Variants in TES observed in about 807,000 individuals in gnomAD.
The protein encoded by TES is testin LIM domain protein, also known as testin.
A neutral mutation model predicts 48.2 loss-of-function variants in TES; 41 were observed. The ratio of observed to expected loss-of-function variants is 0.85; its 90% CI spans 0.66 to 1.10. The LOEUF is 1.10. TES is among the 50% of genes least tolerant of loss of function. The pLI is 0.00. For synonymous variants in TES, 162 were observed against 174.9 expected, an observed-to-expected ratio of 0.93 and a Z score of 0.58; for missense variants, 463 against 515.1, an observed-to-expected ratio of 0.90 and a Z score of 0.98.
chr7:116,252,294 T>C, intron 5 of TES, 24 bp from the exon 6 acceptor site: 1 of 1,587,964 alleles, frequency 6.3e-7, no homozygotes, highest in Non-Finnish European at 8.6e-7. Context: ...TAAAAATCCA[T>C]CTTTATTTTT....
intron 1 of TES, among the ~76,000 whole-genome samples, chr7:116,231,360 CTG>C (rs1799697436): frequency 6.6e-6 from 1 of 152,144 alleles, no homozygotes; most frequent in Non-Finnish European, 1.5e-5. Context: ...GTGTCAAACT[CTG>C]TAAAAGTATT....
rs201944309 is a variant in TES at position 116,252,315 on chromosome 7, T to C, written c.919-3T>C. On this transcript the variant is annotated splice_polypyrimidine_tract_variant and splice_region_variant and intron_variant, in intron 5 of 6. Coordinates refer to ENST00000358204, the MANE Select transcript of TES (RefSeq NM_015641.4). ...TCCATCTTTATTTTTATCTTCTTCC[T>C]AGCTGATATTCAGCAATGAGTATAC... The C allele has an allele frequency of 6.3e-7, 1 of 1,599,822 alleles. No homozygotes were observed. The highest frequency in any genetic ancestry group is 8.6e-7 in the Non-Finnish European group (1 of 1,168,826).
intron 1 of TES, among the ~76,000 whole-genome samples, chr7:116,220,763 A>T (rs1799546272): frequency 6.6e-6 from 1 of 152,182 alleles, no homozygotes; most frequent in Non-Finnish European, 1.5e-5. Context: ...GGCGTTTATT[A>T]GCTGTGTGAA....
intron 1 of TES, among the ~76,000 whole-genome samples, chr7:116,233,909 C>T (rs913782756): frequency 6.6e-6 from 1 of 152,072 alleles, no homozygotes; most frequent in African/African-American, 2.4e-5. Flanking sequence ...GGGCTAATCC[C>T]ATCAATGAGG....
Position 116,257,466 on chromosome 7 carries a change from A to G in TES, c.1250A>G (p.Lys417Arg). The G allele has an allele frequency of 6.2e-7, 1 of 1,611,764 alleles. No homozygotes were observed. The highest frequency in any genetic ancestry group is 8.5e-7 in the Non-Finnish European group (1 of 1,178,872). Residue 417 changes from lysine to arginine, a missense_variant, in exon 7 of 7, where the codon AAG becomes AGG. Coordinates refer to ENST00000358204, the MANE Select transcript of TES (RefSeq NM_015641.4). ...EGMVFCSVEC[K>R]KRMS ...ATGGTTTTCTGTTCAGTGGAATGTA[A>G]GAAGAGGATGTCTTAGGAGGAGGGC... is the stretch of plus-strand genomic sequence containing the variant.
intron 1 of TES, among the ~76,000 whole-genome samples, chr7:116,229,030 ATATAATC>A (rs1799663021): frequency 8.9e-6 from 1 of 112,808 alleles, no homozygotes; most frequent in Non-Finnish European, 1.9e-5. Context: ...ATATATATAT[ATATAATC>A]ATTTCCTTAA....
intron 2 of TES, among the ~76,000 whole-genome samples, chr7:116,243,317 C>T (rs1477404554): frequency 6.6e-6 from 1 of 152,076 alleles, no homozygotes; most frequent in South Asian, 2.1e-4. Context: ...GTTATGTTGT[C>T]GTTGCCATGT....
intron 1 of TES, among the ~76,000 whole-genome samples, chr7:116,218,917 T>A (rs1799525113): frequency 6.6e-6 from 1 of 152,138 alleles, no homozygotes; most frequent in African/African-American, 2.4e-5. Flanking sequence ...AATTATTAAA[T>A]GCAAGAGACA....
chr7:116,240,483 C>T (rs970569050), intron 2 of TES, among the ~76,000 whole-genome samples: 4 of 151,962 alleles, frequency 2.6e-5, no homozygotes, highest in Non-Finnish European at 4.4e-5. Flanking sequence ...CCCTCCCCCT[C>T]GCTCCTCCCT....
intron 2 of TES, among the ~76,000 whole-genome samples, chr7:116,245,579 A>G (rs1411940565): frequency 1.3e-5 from 2 of 152,138 alleles, no homozygotes; most frequent in Non-Finnish European, 2.9e-5. Context: ...GGAATTTCCA[A>G]ACTTTCTCAC....
chr7:116,252,212 G>A lies in TES; in HGVS notation c.919-106G>A, dbSNP rs150987351. 7 of 1,266,256 alleles carry A rather than the reference G, an allele frequency of 5.5e-6. No individual in the cohort carries two copies. In the African/African-American group the frequency reaches 1.1e-4, roughly 19 times the overall value. The allele number at this position is 1,266,256 out of a possible 1,614,324, so 78.4% of individuals were successfully genotyped here. On this transcript the variant is annotated intron_variant, in intron 5 of 6. Transcript: ENST00000358204. ...AAACTAAGTGATAGCATAAGTTCAA[G>A]CTTTAGGTTATCATTTTCAAACTTT...
intron 2 of TES, among the ~76,000 whole-genome samples, chr7:116,240,510 A>G (rs1799831926): frequency 6.6e-6 from 1 of 151,820 alleles, no homozygotes; most frequent in Non-Finnish European, 1.5e-5. Flanking sequence ...CATACATATT[A>G]ATGTTTGCAT....
At chr7:116,247,283 T>C (rs553436809) in intron 2 of TES, among the ~76,000 whole-genome samples, 1 of 152,254 alleles carries the variant, frequency 6.6e-6, no homozygotes, top group South Asian at 2.1e-4. Context: ...TCCCTGTCTC[T>C]CACTAAAAAA....
chr7:116,227,425 C>T (rs1338164408), intron 1 of TES, among the ~76,000 whole-genome samples: 2 of 152,008 alleles, frequency 1.3e-5, no homozygotes, highest in Middle Eastern at 3.2e-3. Context: ...TCTGGCCAAC[C>T]TACACTTTTT....
rs558113726 is a variant in TES, at chr7:116,218,791, A to G, written c.27+8057A>G. Among the ~76,000 whole-genome samples the G allele has an allele frequency of 4.6e-5, 7 of 152,244 alleles. 1 individual carries two copies. The highest frequency in any genetic ancestry group is 1.4e-4 in the African/African-American group (6 of 41,560). The stretch of plus-strand genomic sequence containing the variant: ...AGAATGACATAAGTGCTATAATACA[A>G]TTTCTTATCTGGGATGAGGAACCTT... On this transcript the variant is annotated intron_variant, in intron 1 of 6. Transcript: ENST00000358204.
chr7:116,257,512 A>C lies in TES; in HGVS notation c.*30A>C. The C allele has an allele frequency of 6.6e-7, 1 of 1,522,144 alleles. No homozygotes were observed. The highest frequency in any genetic ancestry group is 8.8e-7 in the Non-Finnish European group (1 of 1,131,042). 94.3% of individuals were successfully genotyped at this position (1,522,144 alleles called of 1,614,324 possible). On this transcript the variant is annotated 3_prime_UTR_variant, in exon 7 of 7. Coordinates refer to ENST00000358204, the MANE Select transcript of TES (RefSeq NM_015641.4). Reference sequence around the variant, plus strand: ...AGGGCACCCAGAAGTATCGAGCCATAGCTATCCAAAGTGGTCTGCATTTCT... The same window carrying C: ...AGGGCACCCAGAAGTATCGAGCCATCGCTATCCAAAGTGGTCTGCATTTCT...
rs148745972 is a variant in TES, at chr7:116,245,142, G to A, written c.114-3878G>A. ...TCCATTGTCTTGGTGATTAACATCC[G>A]GGCACCTTGTTACTTATGCAAATTT... On this transcript the variant is annotated intron_variant, in intron 2 of 6. Transcript: ENST00000358204. Among the ~76,000 whole-genome samples the A allele has an allele frequency of 1.2e-3, 184 of 152,282 alleles. 1 individual carries two copies. Among genetic ancestry groups the A allele is most frequent in the African/African-American group, 4.2e-3 (174 of 41,568 alleles).
In TES at chr7:116,228,998, CTATATATATATATA is replaced by C. The variant is rs58514364; in HGVS notation, c.28-5513_28-5500del. ...CCCGTTAGCTCTCTAGTATCTATAACTATATATATATATATATATATATATATATATATATAATC... is the reference window on the plus strand; with the variant it reads ...CCCGTTAGCTCTCTAGTATCTATAACTATATATATATATATATATATAATC... On this transcript the variant is annotated intron_variant, in intron 1 of 6. Transcript: ENST00000358204. Among the ~76,000 whole-genome samples, 309 of 110,148 alleles carry C rather than the reference CTATATATATATATA, an allele frequency of 2.8e-3. 8 individuals are homozygous for C. Among genetic ancestry groups the C allele is most frequent in the African/African-American group, 9.4e-3 (253 of 26,976 alleles). 72.3% of individuals were successfully genotyped at this position (110,148 alleles called of 152,430 possible).
intron 2 of TES, among the ~76,000 whole-genome samples, chr7:116,247,553 G>A (rs1382761832): frequency 6.6e-6 from 1 of 151,496 alleles, no homozygotes; most frequent in Non-Finnish European, 1.5e-5. Context: ...TATTATTGGG[G>A]CCATCACCAC....
Sources: gnomAD v4.1 joint callset for allele counts (sites outside exome capture counted in the v4.1 genomes callset) on GRCh38, gnomAD v4.1.1 for gene constraint, MANE v1.5 for transcripts, NCBI Gene and HGNC (gene_info 2026-07-23, HGNC 2026-07-21) for gene names.